The following URB1 variants were observed in gnomAD, a reference collection of about 807,000 sequenced individuals.
The protein encoded by URB1 is URB1 ribosome biogenesis factor.
In URB1, 197 loss-of-function variants were observed where a neutral mutation model predicts 242.3. The ratio of observed to expected loss-of-function variants is 0.81; its 90% CI spans 0.72 to 0.91. The LOEUF (loss-of-function observed/expected upper bound fraction) is 0.91, where lower values mean the gene tolerates loss of function less well. Among genes scored for constraint, URB1 ranks in the 40% least tolerant of loss-of-function variants. URB1 has a pLI of 0.00. For missense variants in URB1, 2,721 were observed against 2,860.5 expected (o/e 0.95, Z 1.11); for synonymous variants, 1,153 against 1,201.8 (o/e 0.96, Z 0.84).
At chr21:32,392,731 C>T in intron 1 of URB1, 38 bp downstream of exon 1, 1 of 1,390,774 alleles carries the variant, frequency 7.2e-7, no homozygotes, top group Non-Finnish European at 9.3e-7. Context: ...CCTCGCCAGC[C>T]TGTGCTCCCG....
Position 32,389,673 on chromosome 21 carries a change from T to C in URB1, c.142+3096A>G, listed in dbSNP as rs982963649. Among the ~76,000 whole-genome samples the C allele has an allele frequency of 5.3e-5, 8 of 152,340 alleles. No homozygotes were observed. The East Asian group carries it at 1.3e-3, about 26-fold the overall frequency. ...TCCAGCTAATCAGAATTACCACTTA[T>C]GCAGTGGGGAAACCAGAAGCAATGT... On this transcript the variant is annotated intron_variant, in intron 1 of 38. Transcript: ENST00000382751.
chr21:32,353,266 T>G (rs1455099581), intron 18 of URB1, among the ~76,000 whole-genome samples: 1 of 152,140 alleles, frequency 6.6e-6, no homozygotes, highest in African/African-American at 2.4e-5. Context: ...ACATGCCTGG[T>G]TAGTCACTTC....
intron 31 of URB1, 38 bp from the exon 32 acceptor site, chr21:32,324,640 C>T (rs756102266): frequency 6.8e-6 from 10 of 1,469,036 alleles, no homozygotes; most frequent in Non-Finnish European, 9.3e-6. Flanking sequence ...GTAAGATGAG[C>T]GTGTTCAGAG....
At chr21:32,379,371 C>T (rs534232333) in intron 4 of URB1, among the ~76,000 whole-genome samples, 2 of 152,246 alleles carry the variant, frequency 1.3e-5, no homozygotes, top group African/African-American at 2.4e-5. Context: ...CTATTCTCTA[C>T]TTCACAGTTA....
rs2033430779 is a variant in URB1 at position 32,373,785 on chromosome 21, T to A, written c.751-13A>T. ...TATTGTGAACTACCTGAAACAATAA[T>A]AAAACAAATTATTAAAAAACAAATT... On this transcript the variant is annotated splice_polypyrimidine_tract_variant and intron_variant, in intron 6 of 38. Transcript: ENST00000382751. 1 of 1,501,922 alleles carries A rather than the reference T, an allele frequency of 6.7e-7. No homozygotes were observed. The highest frequency in any genetic ancestry group is 8.9e-7 in the Non-Finnish European group (1 of 1,129,236). The allele number at this position is 1,501,922 out of a possible 1,614,324, so 93.0% of individuals were successfully genotyped here.
At chr21:32,331,421 T>G (rs559600626) in intron 30 of URB1, among the ~76,000 whole-genome samples, 2 of 152,230 alleles carry the variant, frequency 1.3e-5, no homozygotes, top group African/African-American at 2.4e-5. Context: ...TTTCCTATTC[T>G]TCCTATCAAG....
At chr21:32,349,194 C>T in intron 21 of URB1, 110 bp downstream of exon 21, 2 of 1,371,882 alleles carry the variant, frequency 1.5e-6, no homozygotes, top group Non-Finnish European at 1.9e-6. Flanking sequence ...GTAGTTTCTG[C>T]ATTTCCCAAT....
At chr21:32,383,237 T>G (rs1383784293) in intron 4 of URB1, among the ~76,000 whole-genome samples, 185 bp downstream of exon 4, 1 of 152,242 alleles carries the variant, frequency 6.6e-6, no homozygotes, top group Non-Finnish European at 1.5e-5. Context: ...TCTGGCCCTA[T>G]CGCCAGCCTG....
chr21:32,348,378 T>C (rs2033118787), intron 21 of URB1, among the ~76,000 whole-genome samples: 1 of 152,134 alleles, frequency 6.6e-6, no homozygotes, highest in Non-Finnish European at 1.5e-5. Context: ...CGATCCTGAA[T>C]TGAAAGTAAT....
intron 26 of URB1, among the ~76,000 whole-genome samples, chr21:32,338,242 G>C (rs1333246213): frequency 6.6e-6 from 1 of 152,146 alleles, no homozygotes; most frequent in African/African-American, 2.4e-5. Context: ...TACTGAATTA[G>C]GGATGGAGCC....
rs1358395156 is a variant in URB1, at chr21:32,363,826, C to CA, written c.1336-498_1336-497insT. Among the ~76,000 whole-genome samples, 4 of 147,876 alleles carry CA rather than the reference C, an allele frequency of 2.7e-5. No individual in the cohort carries two copies. The East Asian group carries it at 7.9e-4, about 29-fold the overall frequency. ...ATAGGCACCTACTGCTTCTGGCTTT[C>CA]TTTTTTTTTTTAAGAGATGAGACTT... On this transcript the variant is annotated intron_variant, in intron 10 of 38. Coordinates refer to ENST00000382751, the MANE Select transcript of URB1 (RefSeq NM_014825.3).
At position 32,383,493 on chromosome 21, in the gene URB1, T is replaced by C; in HGVS notation, c.496A>G (p.Arg166Gly). ...AAATCAAAATGGCTGCAGACGTCCCTGGCAGCTTCCGGACCCTGGGTCACC... is the reference window on the plus strand; with the variant it reads ...AAATCAAAATGGCTGCAGACGTCCCCGGCAGCTTCCGGACCCTGGGTCACC... ...AMVTQGPEAA[R>G]DVCSHFDLNK... Residue 166 changes from arginine (R) to glycine (G), a missense_variant, in exon 4 of 39, where the codon AGG becomes GGG. Coordinates refer to ENST00000382751, the MANE Select transcript of URB1 (RefSeq NM_014825.3). 2 of 1,551,666 alleles carry C rather than the reference T, an allele frequency of 1.3e-6. No individual in the cohort carries two copies. Among genetic ancestry groups the C allele is most frequent in the Non-Finnish European group, 1.7e-6 (2 of 1,146,996 alleles).
chr21:32,350,020 G>A (rs1451413144), intron 20 of URB1, among the ~76,000 whole-genome samples: 1 of 151,976 alleles, frequency 6.6e-6, no homozygotes, highest in Non-Finnish European at 1.5e-5. Flanking sequence ...GCTGAGGGTT[G>A]CTGTTGAGGG....
In URB1 at chr21:32,382,125, C is replaced by A. The variant is rs139248974; in HGVS notation, c.567+1297G>T. Among the ~76,000 whole-genome samples, 31 of 152,206 alleles carry A rather than the reference C, an allele frequency of 2.0e-4. 1 individual carries two copies. Among genetic ancestry groups the A allele is most frequent in the African/African-American group, 7.0e-4 (29 of 41,514 alleles). ...CTTCAGGACGGGAAGCCCTTTCCCA[C>A]GCTGTCTGGGCTCCTAAAGTCTATT... On this transcript the variant is annotated intron_variant, in intron 4 of 38. Coordinates refer to ENST00000382751, the MANE Select transcript of URB1 (RefSeq NM_014825.3).
intron 4 of URB1, among the ~76,000 whole-genome samples, chr21:32,382,661 C>A (rs1432987474): frequency 1.3e-5 from 2 of 152,070 alleles, no homozygotes. Context: ...AAGAGGGTGA[C>A]ACTCTGGCCA....
Position 32,312,247 on chromosome 21 carries a change from AG to A in URB1, c.*2670del. 1.4e-6 allele frequency: 2 copies of A among 1,418,368 alleles called. No homozygotes were observed. Among genetic ancestry groups the A allele is most frequent in the Non-Finnish European group, 1.8e-6 (2 of 1,089,158 alleles). The allele number at this position is 1,418,368 out of a possible 1,614,324, so 87.9% of individuals were successfully genotyped here. On this transcript the variant is annotated 3_prime_UTR_variant, in exon 39 of 39. Transcript: ENST00000382751. ...GCTTGCTTACTGCTTATATTTGCTC[AG>A]GGAAGAGTAGGAAAATAAAATATAT...
In URB1 at chr21:32,373,570, T is replaced by C. The variant is rs1044708322; in HGVS notation, c.876+77A>G. The C allele has an allele frequency of 1.9e-5, 28 of 1,446,390 alleles. 1 individual carries two copies. The African/African-American group carries it at 2.3e-4, about 12-fold the overall frequency. The allele number at this position is 1,446,390 out of a possible 1,614,324, so 89.6% of individuals were successfully genotyped here. A position where few individuals can be genotyped will look rare whatever the true frequency, so the allele number is the denominator to read the frequency against. ...AGGGGACTTCAAGTCTGGTGCGGTG[T>C]TGAGAATTCTCCCTCTCCCAACCCT... On this transcript the variant is annotated intron_variant, in intron 7 of 38. Coordinates refer to ENST00000382751, the MANE Select transcript of URB1 (RefSeq NM_014825.3).
At chr21:32,370,189 C>T (rs2033391830) in intron 8 of URB1, among the ~76,000 whole-genome samples, 1 of 152,066 alleles carries the variant, frequency 6.6e-6, no homozygotes, top group Non-Finnish European at 1.5e-5. Flanking sequence ...GTCTCATGTG[C>T]ACGACACAGT....
chr21:32,340,311 T>C (rs1465903562), intron 25 of URB1, among the ~76,000 whole-genome samples: 1 of 152,148 alleles, frequency 6.6e-6, no homozygotes, highest in Non-Finnish European at 1.5e-5. Flanking sequence ...ACACACTCTG[T>C]TGGGAGTGCA....
Sources: gnomAD v4.1 joint callset for allele counts (sites outside exome capture counted in the v4.1 genomes callset) on GRCh38, gnomAD v4.1.1 for gene constraint, MANE v1.5 for transcripts, NCBI Gene and HGNC (gene_info 2026-07-23, HGNC 2026-07-21) for gene names.